The following AGMO variants were observed in gnomAD, a reference collection of about 807,000 sequenced individuals.
AGMO encodes the protein alkylglycerol monooxygenase.
Under a neutral mutation model 60.2 loss-of-function variants are expected in AGMO, and 75 were observed. The observed-to-expected ratio is 1.25, with a 90% CI of 1.03 to 1.51. AGMO has a LOEUF of 1.51. Among genes scored for constraint, AGMO ranks in the 40% most tolerant of loss-of-function variants. The pLI is 0.00. For synonymous variants in AGMO, 261 were observed against 177.1 expected (o/e 1.47, Z -3.76); for missense variants, 763 against 525.5 (o/e 1.45, Z -4.42).
intron 12 of AGMO, among the ~76,000 whole-genome samples, chr7:15,249,902 C>G (rs913481840): frequency 1.3e-5 from 2 of 152,058 alleles, no homozygotes; most frequent in Non-Finnish European, 2.9e-5. Flanking sequence ...AGGTTTATAC[C>G]ATTTCTCTTA....
chr7:15,278,809 T>G (rs1409229524), intron 12 of AGMO, among the ~76,000 whole-genome samples: 1 of 152,150 alleles, frequency 6.6e-6, no homozygotes, highest in Non-Finnish European at 1.5e-5. Flanking sequence ...ATTGCTGCCC[T>G]CTGGGGACAG....
At chr7:15,261,651 T>C (rs1783275093) in intron 12 of AGMO, among the ~76,000 whole-genome samples, 1 of 151,900 alleles carries the variant, frequency 6.6e-6, no homozygotes, top group African/African-American at 2.4e-5. Context: ...AATCATTCCA[T>C]GAAGCCAGTA....
chr7:15,515,650 AG>A (rs1287211664), intron 3 of AGMO, among the ~76,000 whole-genome samples: 2 of 152,228 alleles, frequency 1.3e-5, no homozygotes, highest in Admixed American at 6.5e-5. Context: ...ATGCTCCAAT[AG>A]CCTTCTCATG....
At chr7:15,186,125 T>C in the AGMO span, among the ~76,000 whole-genome samples, 4 of 152,288 alleles carry the variant, frequency 2.6e-5, no homozygotes, top group East Asian at 5.8e-4. Flanking sequence ...CTCCCCCTTA[T>C]TGGAAAAGTC....
chr7:15,180,681 A>G, the AGMO span, among the ~76,000 whole-genome samples: 1,195 of 152,328 alleles, frequency 7.8e-3, 19 homozygotes, highest in African/African-American at 0.027. Context: ...AAATTCTTCC[A>G]GTCTCTATTC....
At chr7:15,168,839 G>A in the AGMO span, among the ~76,000 whole-genome samples, 3 of 152,176 alleles carry the variant, frequency 2.0e-5, no homozygotes, top group Non-Finnish European at 4.4e-5. Context: ...GAATAAAGCT[G>A]GCAATTGGTG....
chr7:15,497,160 T>C (rs1783255072), intron 3 of AGMO, among the ~76,000 whole-genome samples: 1 of 152,172 alleles, frequency 6.6e-6, no homozygotes. Flanking sequence ...CAGTGAGTAA[T>C]TTTTGAGATA....
At chr7:15,532,317 C>T (rs775308462) in intron 3 of AGMO, among the ~76,000 whole-genome samples, 1 of 152,100 alleles carries the variant, frequency 6.6e-6, no homozygotes, top group Non-Finnish European at 1.5e-5. Context: ...GGTCAAGAAA[C>T]GGCAAAGCCC....
chr7:15,245,571 T>C (rs28641849), intron 12 of AGMO, among the ~76,000 whole-genome samples: 4,419 of 152,056 alleles, frequency 0.029, 219 homozygotes, highest in African/African-American at 0.1. Flanking sequence ...CATAGAGGTA[T>C]TGTGCACCAT....
intron 12 of AGMO, among the ~76,000 whole-genome samples, chr7:15,238,956 A>G (rs956835553): frequency 6.6e-6 from 1 of 152,158 alleles, no homozygotes; most frequent in Non-Finnish European, 1.5e-5. Context: ...TTTTTATTGC[A>G]CATAATGACT....
At chr7:15,191,971 TCTCACACACACACACA>T in the AGMO span, among the ~76,000 whole-genome samples, 56 of 77,068 alleles carry the variant, frequency 7.3e-4, 1 homozygote, top group African/African-American at 2.8e-3. Context: ...TCTGTCTCTC[TCTCACACACACACACA>T]CACACACACA....
At chr7:15,181,175 G>A in the AGMO span, among the ~76,000 whole-genome samples, 1 of 152,078 alleles carries the variant, frequency 6.6e-6, no homozygotes, top group Non-Finnish European at 1.5e-5. Flanking sequence ...AACCATAGTA[G>A]GTACCAATTC....
At chr7:15,473,782 T>A (rs911272353) in intron 3 of AGMO, among the ~76,000 whole-genome samples, 6 of 152,112 alleles carry the variant, frequency 3.9e-5, no homozygotes, top group Non-Finnish European at 8.8e-5. Flanking sequence ...TGTTTGCAGA[T>A]GACATGATTG....
intron 12 of AGMO, among the ~76,000 whole-genome samples, chr7:15,251,205 TTG>T (rs904349955): frequency 2.6e-5 from 4 of 152,082 alleles, no homozygotes; most frequent in African/African-American, 9.7e-5. Context: ...CCCTGTTTCT[TTG>T]TCCATAGCTC....
At chr7:15,309,765 G>C (rs760485134) in intron 12 of AGMO, among the ~76,000 whole-genome samples, 11 of 151,926 alleles carry the variant, frequency 7.2e-5, no homozygotes, top group Non-Finnish European at 1.5e-4. Context: ...TACAAATAAA[G>C]CCCAGAGAAG....
chr7:15,510,760 A>G (rs1234772981), intron 3 of AGMO, among the ~76,000 whole-genome samples: 1 of 150,022 alleles, frequency 6.7e-6, no homozygotes, highest in Non-Finnish European at 1.5e-5. Flanking sequence ...ACTTAACGTT[A>G]TTGACAGTTT....
intron 5 of AGMO, among the ~76,000 whole-genome samples, chr7:15,405,714 T>G (rs1216406396): frequency 3.3e-5 from 5 of 151,944 alleles, no homozygotes; most frequent in Non-Finnish European, 7.4e-5. Flanking sequence ...TGAGTATGAT[T>G]ACTGTTACTT....
intron 3 of AGMO, among the ~76,000 whole-genome samples, chr7:15,489,140 C>A (rs1290012580): frequency 6.6e-6 from 1 of 152,110 alleles, no homozygotes; most frequent in East Asian, 1.9e-4. Flanking sequence ...TTGGGAAAGT[C>A]TCTTAAACAT....
At chr7:15,324,288 G>C (rs569349469) in intron 12 of AGMO, among the ~76,000 whole-genome samples, 1 of 152,116 alleles carries the variant, frequency 6.6e-6, no homozygotes, top group African/African-American at 2.4e-5. Flanking sequence ...ACTTTTAGAC[G>C]TTGGTATCAG....
Sources: allele counts gnomAD v4.1 joint callset (sites outside exome capture counted in the v4.1 genomes callset), GRCh38; gene constraint gnomAD v4.1.1; transcripts MANE v1.5; gene names NCBI Gene and HGNC (gene_info 2026-07-23, HGNC 2026-07-21).